RAB3C: variants seen among roughly 807,000 people sequenced by gnomAD.
The protein encoded by RAB3C is RAB3C, member RAS oncogene family.
Under a neutral mutation model 26.4 loss-of-function variants are expected in RAB3C, and 17 were observed. The observed-to-expected ratio is 0.64, with a 90% CI of 0.44 to 0.97. The LOEUF (loss-of-function observed/expected upper bound fraction) is 0.97, where lower values mean the gene tolerates loss of function less well. Ranked by LOEUF, RAB3C falls within the 50% of genes least tolerant of loss-of-function variation. The pLI, the probability that RAB3C is intolerant of heterozygous loss-of-function variation, is 0.00. For missense variants in RAB3C, 242 were observed against 281.9 expected, an observed-to-expected ratio of 0.86 and a Z score of 1.01; for synonymous variants, 91 against 95.9, an observed-to-expected ratio of 0.95 and a Z score of 0.30.
chr5:58,745,119 C>A (rs766240124), intron 3 of RAB3C, among the ~76,000 whole-genome samples: 4 of 151,896 alleles, frequency 2.6e-5, no homozygotes, highest in Non-Finnish European at 5.9e-5. Context: ...AGATGGGGGC[C>A]GGGCGCGGTG....
At chr5:58,800,647 G>A (rs562203888) in intron 3 of RAB3C, among the ~76,000 whole-genome samples, 4 of 152,296 alleles carry the variant, frequency 2.6e-5, no homozygotes, top group African/African-American at 4.8e-5. Flanking sequence ...GCTGCCACAC[G>A]TGGAGGGTGA....
chr5:58,729,507 G>T (rs1475280452), intron 3 of RAB3C, among the ~76,000 whole-genome samples: 1 of 151,538 alleles, frequency 6.6e-6, no homozygotes, highest in Non-Finnish European at 1.5e-5. Flanking sequence ...TGCAGTATTT[G>T]TCTTTTAGTG....
intron 2 of RAB3C, among the ~76,000 whole-genome samples, chr5:58,720,326 A>G (rs1740721179): frequency 6.6e-6 from 1 of 151,940 alleles, no homozygotes; most frequent in African/African-American, 2.4e-5. Flanking sequence ...AAATAAATTG[A>G]ATATATACCT....
chr5:58,839,364 T>A (rs1579947382), intron 4 of RAB3C, among the ~76,000 whole-genome samples: 1 of 150,802 alleles, frequency 6.6e-6, no homozygotes, highest in East Asian at 1.9e-4. Context: ...TTTATTTATT[T>A]ATTTATTTAT....
At chr5:58,728,378 C>A (rs1037380635) in intron 3 of RAB3C, among the ~76,000 whole-genome samples, 1 of 152,030 alleles carries the variant, frequency 6.6e-6, no homozygotes, top group South Asian at 2.1e-4. Flanking sequence ...CAAGTCCAAT[C>A]ATTTTGACTT....
Position 58,765,343 on chromosome 5 carries a change from G to A in RAB3C, c.371+39223G>A, listed in dbSNP as rs187868463. Among the ~76,000 whole-genome samples, 70 of 151,570 alleles carry A rather than the reference G, an allele frequency of 4.6e-4. 2 individuals carry two copies. In the East Asian group the frequency reaches 0.013, roughly 29 times the overall value. ...TTTTCTTTTGACTTGCTTTATGACA[G>A]ATAAGAGAAGAAACAGTCATGTAAT... is the stretch of plus-strand genomic sequence containing the variant. On this transcript the variant is annotated intron_variant, in intron 3 of 4. Coordinates refer to ENST00000282878, the MANE Select transcript of RAB3C (RefSeq NM_138453.4).
intron 2 of RAB3C, among the ~76,000 whole-genome samples, chr5:58,675,124 T>A (rs939454461): frequency 6.6e-6 from 1 of 152,078 alleles, no homozygotes; most frequent in African/African-American, 2.4e-5. Flanking sequence ...GCAGGCAAGA[T>A]TTGCTGCAAG....
At chr5:58,815,189 G>A (rs1188658630) in intron 3 of RAB3C, among the ~76,000 whole-genome samples, 3 of 152,142 alleles carry the variant, frequency 2.0e-5, no homozygotes, top group Non-Finnish European at 4.4e-5. Flanking sequence ...TCAACACAAT[G>A]TAGGCACTTT....
In RAB3C at chr5:58,825,217, C is replaced by T. The variant is rs1743447690; in HGVS notation, c.496+55C>T. Reference sequence around the variant, plus strand: ...AAGATAATTTGCTTATTATATGTAACTCTGTACAGAGTCCGAGCTAATTGT... The same window carrying T: ...AAGATAATTTGCTTATTATATGTAATTCTGTACAGAGTCCGAGCTAATTGT... On this transcript the variant is annotated intron_variant, in intron 4 of 4. Coordinates refer to ENST00000282878, the MANE Select transcript of RAB3C (RefSeq NM_138453.4). 3 of 1,539,270 alleles carry T rather than the reference C, an allele frequency of 1.9e-6. No homozygotes were observed. The East Asian group carries it at 7.3e-5, about 37-fold the overall frequency.
intron 2 of RAB3C, among the ~76,000 whole-genome samples, chr5:58,706,761 G>A (rs181076141): frequency 5.3e-5 from 8 of 152,274 alleles, no homozygotes; most frequent in Admixed American, 3.9e-4. Flanking sequence ...ACATTCTTAT[G>A]TTCAAACATC....
At chr5:58,594,787 T>G (rs1281429383) in intron 1 of RAB3C, among the ~76,000 whole-genome samples, 1 of 151,962 alleles carries the variant, frequency 6.6e-6, no homozygotes, top group Non-Finnish European at 1.5e-5. Context: ...ATGTTTAGTG[T>G]TTTTAAAAAT....
chr5:58,618,575 G>T (rs1746872367), intron 2 of RAB3C, among the ~76,000 whole-genome samples: 1 of 152,086 alleles, frequency 6.6e-6, no homozygotes, highest in Non-Finnish European at 1.5e-5. Flanking sequence ...TAGCCAAACT[G>T]GTGGGATAAA....
intron 2 of RAB3C, among the ~76,000 whole-genome samples, chr5:58,723,286 G>C (rs920925460): frequency 9.9e-5 from 15 of 151,560 alleles, no homozygotes; most frequent in African/African-American, 3.6e-4. Context: ...GCTATTTTGA[G>C]TGCTATAATC....
At chr5:58,693,040 G>GAGGT (rs1748602624) in intron 2 of RAB3C, among the ~76,000 whole-genome samples, 1 of 151,638 alleles carries the variant, frequency 6.6e-6, no homozygotes. Context: ...CCAGGAGGCA[G>GAGGT]AGGTTGCAGT....
intron 2 of RAB3C, among the ~76,000 whole-genome samples, chr5:58,653,920 T>C (rs554783483): frequency 1.3e-5 from 2 of 152,352 alleles, no homozygotes; most frequent in East Asian, 3.9e-4. Context: ...AATCTACTTA[T>C]GGTGCCCATT....
At chr5:58,643,828 GT>G (rs1351615841) in intron 2 of RAB3C, among the ~76,000 whole-genome samples, 2 of 152,120 alleles carry the variant, frequency 1.3e-5, no homozygotes, top group Non-Finnish European at 2.9e-5. Context: ...TTTAGTTTTA[GT>G]TTTTGTTTTT....
chr5:58,701,144 C>A (rs748389163), intron 2 of RAB3C, among the ~76,000 whole-genome samples: 3 of 151,916 alleles, frequency 2.0e-5, no homozygotes, highest in Non-Finnish European at 4.4e-5. Flanking sequence ...TGCAGGCACC[C>A]GCCACCATGC....
chr5:58,595,665 G>A lies in RAB3C; in HGVS notation c.24+12433G>A, dbSNP rs546273121. 4.9e-4 allele frequency among the ~76,000 whole-genome samples: 74 copies of A among 152,190 alleles called. No individual in the cohort carries two copies. In the South Asian group the frequency reaches 5.0e-3, roughly 10 times the overall value. On this transcript the variant is annotated intron_variant, in intron 1 of 4. Transcript: ENST00000282878. ...TCACTCTAAATATTCTAATTCTCCC[G>A]AATTTCAGGGGAGTTCCGCATGTCT... is the stretch of plus-strand genomic sequence containing the variant.
intron 2 of RAB3C, among the ~76,000 whole-genome samples, chr5:58,703,069 C>T (rs181884536): frequency 2.6e-5 from 4 of 152,178 alleles, no homozygotes; most frequent in African/African-American, 9.6e-5. Flanking sequence ...ATGTAAATAA[C>T]GTTTAATAAA....
Sources: allele counts gnomAD v4.1 joint callset (sites outside exome capture counted in the v4.1 genomes callset), GRCh38; gene constraint gnomAD v4.1.1; transcripts MANE v1.5; gene names NCBI Gene and HGNC (gene_info 2026-07-23, HGNC 2026-07-21).